The following CIB4 variants were observed in gnomAD, a reference collection of about 807,000 sequenced individuals.
CIB4 encodes calcium and integrin binding family member 4.
In CIB4, 25 loss-of-function variants were observed where a neutral mutation model predicts 25.8. That is an observed-to-expected ratio of 0.97 (90% CI 0.71 to 1.35). The LOEUF is 1.35. Ranked by LOEUF, CIB4 falls within the 40% of genes most tolerant of loss-of-function variation. The probability of loss-of-function intolerance (pLI) is 0.00; values close to 1 mark genes in which losing one functional copy is unlikely to be tolerated. For synonymous variants in CIB4, 75 were observed against 81.4 expected (o/e 0.92, Z 0.42); for missense variants, 235 against 228.2 (o/e 1.03, Z -0.19).
At chr2:26,582,563 C>T (rs1017633749) in intron 6 of CIB4, among the ~76,000 whole-genome samples, 4 of 152,218 alleles carry the variant, frequency 2.6e-5, no homozygotes, top group African/African-American at 4.8e-5. Context: ...TCAGCTGGCA[C>T]AGGGAATGCT....
chr2:26,595,460 G>T, intron 3 of CIB4, 143 bp from the exon 4 acceptor site: 1 of 927,638 alleles, frequency 1.1e-6, no homozygotes, highest in Non-Finnish European at 1.6e-6. Flanking sequence ...AGTAGATGGT[G>T]GCTCACTGAG....
At chr2:26,610,579 A>T (rs1318938634) in intron 3 of CIB4, among the ~76,000 whole-genome samples, 1 of 152,240 alleles carries the variant, frequency 6.6e-6, no homozygotes, top group Non-Finnish European at 1.5e-5. Context: ...GGGCTCTGCC[A>T]GCCAGCCATG....
At chr2:26,590,580 T>A (rs1394038190) in intron 4 of CIB4, among the ~76,000 whole-genome samples, 1 of 152,100 alleles carries the variant, frequency 6.6e-6, no homozygotes, top group Non-Finnish European at 1.5e-5. Context: ...TCCTTTCCCC[T>A]CTTTTTTGAT....
At chr2:26,624,055 A>G (rs1249919943) in intron 3 of CIB4, among the ~76,000 whole-genome samples, 1 of 152,248 alleles carries the variant, frequency 6.6e-6, no homozygotes, top group African/African-American at 2.4e-5. Flanking sequence ...TTTGGTCAGC[A>G]GGCTTTTCCT....
chr2:26,596,267 A>AG (rs1668681140), intron 3 of CIB4, among the ~76,000 whole-genome samples: 1 of 152,138 alleles, frequency 6.6e-6, no homozygotes, highest in Non-Finnish European at 1.5e-5. Flanking sequence ...GTACTCATCG[A>AG]GGGGGGTGGC....
intron 3 of CIB4, chr2:26,623,677 C>T (rs1203103926): frequency 2.3e-5 from 9 of 392,268 alleles, no homozygotes; most frequent in African/African-American, 8.3e-5. Flanking sequence ...GTAGCAGGGG[C>T]GGGTCTATGC....
At chr2:26,586,496 T>C (rs1668456454) in intron 4 of CIB4, among the ~76,000 whole-genome samples, 1 of 152,226 alleles carries the variant, frequency 6.6e-6, no homozygotes, top group Non-Finnish European at 1.5e-5. Context: ...TATTAGCTCG[T>C]TTATTTCCCT....
chr2:26,584,135 C>T (rs890248822), intron 4 of CIB4, among the ~76,000 whole-genome samples: 1 of 152,142 alleles, frequency 6.6e-6, no homozygotes. Context: ...TCAGACCTCT[C>T]CTGAGAGCTT....
chr2:26,638,856 G>A (rs1360382619), intron 2 of CIB4, among the ~76,000 whole-genome samples: 1 of 152,018 alleles, frequency 6.6e-6, no homozygotes, highest in East Asian at 1.9e-4. Context: ...GGAGGCTGAG[G>A]CAAGAGAATT....
chr2:26,619,103 G>A (rs1020442878), intron 3 of CIB4, among the ~76,000 whole-genome samples: 1 of 152,222 alleles, frequency 6.6e-6, no homozygotes, highest in African/African-American at 2.4e-5. Flanking sequence ...CTTCTTATGG[G>A]GTGATGGATG....
At chr2:26,591,394 T>C (rs1403636785) in intron 4 of CIB4, among the ~76,000 whole-genome samples, 1 of 152,194 alleles carries the variant, frequency 6.6e-6, no homozygotes, top group African/African-American at 2.4e-5. Context: ...ATAGCAGATC[T>C]GCAGAAGGAG....
intron 3 of CIB4, among the ~76,000 whole-genome samples, chr2:26,614,558 C>A (rs779140121): frequency 6.6e-6 from 1 of 152,220 alleles, no homozygotes; most frequent in Non-Finnish European, 1.5e-5. Context: ...CTGGCAGAGT[C>A]GGTGCACCAC....
intron 2 of CIB4, among the ~76,000 whole-genome samples, chr2:26,635,075 C>G (rs936086901): frequency 2.0e-5 from 3 of 152,230 alleles, no homozygotes; most frequent in Non-Finnish European, 4.4e-5. Context: ...AGAGGCATCT[C>G]GGGAAAAGGC....
intron 3 of CIB4, among the ~76,000 whole-genome samples, chr2:26,628,814 G>A (rs923077428): frequency 1.1e-4 from 17 of 152,306 alleles, no homozygotes; most frequent in African/African-American, 4.1e-4. Context: ...AGCCTGAGGA[G>A]AAGAGAAGGG....
chr2:26,640,450 C>T, intron 2 of CIB4, 83 bp downstream of exon 2: 1 of 1,434,024 alleles, frequency 7.0e-7, no homozygotes, highest in Non-Finnish European at 9.7e-7. Flanking sequence ...CACTCAGGGA[C>T]CAGCGTGAGG....
At chr2:26,602,420 A>AT (rs1221985092) in intron 3 of CIB4, among the ~76,000 whole-genome samples, 1 of 152,226 alleles carries the variant, frequency 6.6e-6, no homozygotes, top group East Asian at 1.9e-4. Context: ...TTCTTACCAC[A>AT]AGTATACAAA....
chr2:26,582,483 C>T (rs1372792199), intron 6 of CIB4, among the ~76,000 whole-genome samples: 1 of 152,192 alleles, frequency 6.6e-6, no homozygotes, highest in Non-Finnish European at 1.5e-5. Context: ...ACCCCTACCT[C>T]CCAGTTGGCC....
rs556817131 is a variant in CIB4, at chr2:26,587,044, C to T, written c.329-3146G>A. 2.5e-4 allele frequency among the ~76,000 whole-genome samples: 38 copies of T among 152,246 alleles called. No individual in the cohort carries two copies. The South Asian group carries it at 6.2e-3, about 25-fold the overall frequency. On this transcript the variant is annotated intron_variant, in intron 4 of 6. Transcript: ENST00000288861. ...TGGATTACACTGTGGATTACATTCACGCCTGTAATCCCAGCACTTTGGGAG... is the reference window on the plus strand; with the variant it reads ...TGGATTACACTGTGGATTACATTCATGCCTGTAATCCCAGCACTTTGGGAG...
chr2:26,604,048 T>C (rs1471797447), intron 3 of CIB4, among the ~76,000 whole-genome samples: 1 of 146,340 alleles, frequency 6.8e-6, no homozygotes, highest in Non-Finnish European at 1.5e-5. Flanking sequence ...ACTACATCAA[T>C]GCACAGCATA....
Sources: gnomAD v4.1 joint callset for allele counts (sites outside exome capture counted in the v4.1 genomes callset) on GRCh38, gnomAD v4.1.1 for gene constraint, MANE v1.5 for transcripts, NCBI Gene and HGNC (gene_info 2026-07-23, HGNC 2026-07-21) for gene names.